CNTNAP5: variants seen among roughly 807,000 people sequenced by gnomAD.
The protein encoded by CNTNAP5 is contactin associated protein family member 5, also known as contactin-associated protein-like 5.
CNTNAP5 carries 72 observed loss-of-function variants against 150.2 expected under a neutral mutation model. The observed-to-expected ratio is 0.48, with a 90% CI of 0.40 to 0.58. The LOEUF is 0.58. Among genes scored for constraint, CNTNAP5 ranks in the 20% least tolerant of loss-of-function variants. CNTNAP5 has a pLI of 0.00. For missense variants in CNTNAP5, 1,636 were observed against 1,626.2 expected, an observed-to-expected ratio of 1.01 and a Z score of -0.10; for synonymous variants, 672 against 619.8, an observed-to-expected ratio of 1.08 and a Z score of -1.25.
At chr2:124,349,888 T>C (rs1367985388) in intron 3 of CNTNAP5, among the ~76,000 whole-genome samples, 1 of 133,040 alleles carries the variant, frequency 7.5e-6, no homozygotes, top group Admixed American at 7.7e-5. Context: ...TTTTTTTTTT[T>C]TTTTTTTTTT....
At chr2:124,662,019 A>G (rs1225975289) in intron 13 of CNTNAP5, among the ~76,000 whole-genome samples, 1 of 152,016 alleles carries the variant, frequency 6.6e-6, no homozygotes, top group Non-Finnish European at 1.5e-5. Flanking sequence ...ACCCCCCGAT[A>G]GGCCTCGGTG....
chr2:124,677,943 T>C (rs1678982302), intron 13 of CNTNAP5, among the ~76,000 whole-genome samples: 1 of 151,784 alleles, frequency 6.6e-6, no homozygotes, highest in Non-Finnish European at 1.5e-5. Flanking sequence ...AAGAGAGGAG[T>C]GGGCTGACCT....
At chr2:124,658,900 G>T (rs1228762942) in intron 13 of CNTNAP5, among the ~76,000 whole-genome samples, 1 of 152,160 alleles carries the variant, frequency 6.6e-6, no homozygotes, top group Non-Finnish European at 1.5e-5. Flanking sequence ...GCCATGGCTA[G>T]ATACTAGACT....
chr2:124,577,149 G>C (rs565789522), intron 11 of CNTNAP5, among the ~76,000 whole-genome samples: 2 of 152,108 alleles, frequency 1.3e-5, no homozygotes, highest in African/African-American at 4.8e-5. Context: ...GGCTCTCAAT[G>C]ATCCTACTAT....
intron 12 of CNTNAP5, among the ~76,000 whole-genome samples, chr2:124,620,296 C>T (rs1490686837): frequency 4.6e-5 from 7 of 152,008 alleles, no homozygotes; most frequent in Non-Finnish European, 7.4e-5. Context: ...AAGCCCTGTT[C>T]CATTAAATCA....
At chr2:124,268,113 G>A (rs1452018128) in intron 3 of CNTNAP5, among the ~76,000 whole-genome samples, 1 of 152,162 alleles carries the variant, frequency 6.6e-6, no homozygotes, top group Non-Finnish European at 1.5e-5. Context: ...ATAGATACCG[G>A]CCAAGCTAGG....
chr2:124,399,289 A>G (rs527741337), intron 3 of CNTNAP5, among the ~76,000 whole-genome samples: 1 of 152,294 alleles, frequency 6.6e-6, no homozygotes, highest in African/African-American at 2.4e-5. Context: ...GGTTTTGCCA[A>G]AGGCTGTCAG....
At chr2:124,685,218 G>A (rs1201771814) in intron 13 of CNTNAP5, among the ~76,000 whole-genome samples, 3 of 152,060 alleles carry the variant, frequency 2.0e-5, no homozygotes, top group African/African-American at 7.2e-5. Context: ...AAAAGTGCAG[G>A]GGGTTCATTT....
At chr2:124,560,812 C>A (rs1695874610) in intron 10 of CNTNAP5, among the ~76,000 whole-genome samples, 1 of 152,170 alleles carries the variant, frequency 6.6e-6, no homozygotes, top group Non-Finnish European at 1.5e-5. Flanking sequence ...CTGCTTGCTG[C>A]ATGTCAGCAT....
chr2:124,865,883 G>T (rs1677621132), intron 20 of CNTNAP5, among the ~76,000 whole-genome samples: 1 of 151,876 alleles, frequency 6.6e-6, no homozygotes, highest in African/African-American at 2.4e-5. Context: ...GGCAGAGGTT[G>T]CAGTGAGCAG....
chr2:124,321,623 A>G (rs1190695478), intron 3 of CNTNAP5, among the ~76,000 whole-genome samples: 1 of 152,178 alleles, frequency 6.6e-6, no homozygotes, highest in South Asian at 2.1e-4. Flanking sequence ...AAAAGCAAAA[A>G]CAAAAATGTT....
chr2:124,457,623 G>T (rs1693151755), intron 6 of CNTNAP5, among the ~76,000 whole-genome samples: 1 of 152,060 alleles, frequency 6.6e-6, no homozygotes, highest in African/African-American at 2.4e-5. Flanking sequence ...GTGCCATGGT[G>T]GTTTGTTGCA....
At chr2:124,871,801 T>G (rs1361918718) in intron 21 of CNTNAP5, among the ~76,000 whole-genome samples, 1 of 152,122 alleles carries the variant, frequency 6.6e-6, no homozygotes, top group Non-Finnish European at 1.5e-5. Flanking sequence ...TTAAAATATC[T>G]TACTTGATAT....
intron 6 of CNTNAP5, among the ~76,000 whole-genome samples, chr2:124,465,632 C>T (rs1215641424): frequency 6.6e-6 from 1 of 152,062 alleles, no homozygotes; most frequent in Non-Finnish European, 1.5e-5. Context: ...TTATCTGTGC[C>T]TCTGAGAAAA....
intron 1 of CNTNAP5, among the ~76,000 whole-genome samples, chr2:124,189,368 C>T (rs7569367): frequency 0.35 from 53,603 of 151,880 alleles, 9,592 homozygotes; most frequent in East Asian, 0.46. Flanking sequence ...CAATGCAGAC[C>T]CTGTGAGGTT....
chr2:124,316,829 GAAAAAGAAA>G (rs1688976341), intron 3 of CNTNAP5, among the ~76,000 whole-genome samples: 1 of 118,458 alleles, frequency 8.4e-6, no homozygotes, highest in Non-Finnish European at 1.8e-5. Context: ...AAAAAAAAAA[GAAAAAGAAA>G]AAAAAGAAAA....
intron 1 of CNTNAP5, among the ~76,000 whole-genome samples, chr2:124,100,083 T>A (rs1683029286): frequency 7.7e-6 from 1 of 129,080 alleles, no homozygotes; most frequent in Non-Finnish European, 1.9e-5. Context: ...TTCTCACCGT[T>A]ATGCAGCTTC....
At chr2:124,360,308 A>C (rs1289961929) in intron 3 of CNTNAP5, among the ~76,000 whole-genome samples, 1 of 150,396 alleles carries the variant, frequency 6.6e-6, no homozygotes, top group East Asian at 2.0e-4. Flanking sequence ...GTCCATTTAC[A>C]TTTAAAGTTA....
chr2:124,576,474 T>A (rs1057493963), intron 11 of CNTNAP5, among the ~76,000 whole-genome samples: 1 of 152,202 alleles, frequency 6.6e-6, no homozygotes, highest in Non-Finnish European at 1.5e-5. Flanking sequence ...ACATAACATA[T>A]GCAGATTAGG....
Sources: allele counts gnomAD v4.1 joint callset (sites outside exome capture counted in the v4.1 genomes callset), GRCh38; gene constraint gnomAD v4.1.1; transcripts MANE v1.5; gene names NCBI Gene and HGNC (gene_info 2026-07-23, HGNC 2026-07-21).